The following SAMSN1 variants were observed in gnomAD, a reference collection of about 807,000 sequenced individuals.
The protein encoded by SAMSN1 is SAM domain-containing protein SAMSN-1.
SAMSN1 carries 31 observed loss-of-function variants against 42.0 expected under a neutral mutation model. That is an observed-to-expected ratio of 0.74 (90% confidence interval 0.55 to 1.00). SAMSN1 has a LOEUF of 1.00. SAMSN1 is among the 50% of genes least tolerant of loss of function. SAMSN1 has a pLI of 0.00. For synonymous variants in SAMSN1, 178 were observed against 151.9 expected (o/e 1.17, Z -1.26); for missense variants, 464 against 439.4 (o/e 1.06, Z -0.50).
intron 1 of SAMSN1, among the ~76,000 whole-genome samples, chr21:14,537,033 C>T (rs1055523758): frequency 1.3e-5 from 2 of 152,196 alleles, no homozygotes; most frequent in Non-Finnish European, 2.9e-5. Context: ...ATTTGAAACA[C>T]AAAAGCCAAA....
At chr21:14,583,858 G>C (rs1273718571), upstream of SAMSN1, 2 of 629,018 alleles carry the variant, frequency 3.2e-6, no homozygotes, top group Admixed American at 5.6e-5. Flanking sequence ...TCATAAATGT[G>C]GAAAAATTAA....
chr21:14,549,411 A>G (rs760788095), upstream of SAMSN1, among the ~76,000 whole-genome samples: 55 of 152,156 alleles, frequency 3.6e-4, no homozygotes, highest in Admixed American at 9.2e-4. Flanking sequence ...AATCTTTTAG[A>G]ATGAAAGTAG....
intron 6 of SAMSN1, among the ~76,000 whole-genome samples, chr21:14,599,306 G>A (rs1982364205): frequency 6.6e-6 from 1 of 152,114 alleles, no homozygotes. Flanking sequence ...AATAATGAGT[G>A]ACTCTCATGA....
intron 7 of SAMSN1, chr21:14,593,779 T>A (rs1255351613): frequency 3.1e-6 from 1 of 323,428 alleles, no homozygotes; most frequent in East Asian, 4.8e-5. Context: ...TTAGGGAAAA[T>A]TTTTTATATA....
At chr21:14,560,088 G>A (rs1980897985) in intron 2 of SAMSN1, among the ~76,000 whole-genome samples, 2 of 152,156 alleles carry the variant, frequency 1.3e-5, no homozygotes, top group Admixed American at 1.3e-4. Context: ...AGAATCCAAT[G>A]TAACATGTTC....
intron 7 of SAMSN1, among the ~76,000 whole-genome samples, chr21:14,490,340 C>T (rs747894163): frequency 1.3e-5 from 2 of 152,164 alleles, no homozygotes; most frequent in Non-Finnish European, 1.5e-5. Flanking sequence ...CATCAATCAT[C>T]CTCCTGTTTT....
chr21:14,598,968 T>C (rs1441006272), intron 6 of SAMSN1, among the ~76,000 whole-genome samples: 1 of 152,190 alleles, frequency 6.6e-6, no homozygotes, highest in Non-Finnish European at 1.5e-5. Context: ...ATCATCTTCA[T>C]AATAGGGAAC....
intron 5 of SAMSN1, 98 bp downstream of exon 5, chr21:14,510,212 C>G: frequency 8.8e-7 from 1 of 1,141,382 alleles, no homozygotes; most frequent in Non-Finnish European, 1.3e-6. Context: ...GGGAAGAACA[C>G]ACTCACACTG....
chr21:14,570,173 T>C (rs1981254737), intron 2 of SAMSN1, among the ~76,000 whole-genome samples: 1 of 152,140 alleles, frequency 6.6e-6, no homozygotes, highest in Admixed American at 6.5e-5. Flanking sequence ...CGCAAATCCA[T>C]TAAATCTCTC....
intron 1 of SAMSN1, among the ~76,000 whole-genome samples, chr21:14,650,207 C>T (rs1320519313): frequency 6.6e-6 from 1 of 152,118 alleles, no homozygotes; most frequent in Non-Finnish European, 1.5e-5. Flanking sequence ...TAGATATTTA[C>T]AGAACATTTC....
At chr21:14,654,116 T>A (rs1983877663) in intron 1 of SAMSN1, among the ~76,000 whole-genome samples, 1 of 152,012 alleles carries the variant, frequency 6.6e-6, no homozygotes, top group South Asian at 2.1e-4. Flanking sequence ...TTGACTTTTT[T>A]AAAAAGATAT....
intron 3 of SAMSN1, 81 bp from the exon 4 acceptor site, chr21:14,512,654 AC>A: frequency 7.8e-7 from 1 of 1,273,978 alleles, no homozygotes; most frequent in Non-Finnish European, 1.1e-6. Flanking sequence ...TTTAATAGAC[AC>A]ATATTTTAGC....
At chr21:14,648,235 G>A (rs1983758542) in intron 1 of SAMSN1, among the ~76,000 whole-genome samples, 1 of 152,110 alleles carries the variant, frequency 6.6e-6, no homozygotes, top group Admixed American at 6.6e-5. Context: ...GCTGAAACTG[G>A]ATCCCTTCCT....
chr21:14,488,710 C>A (rs189499070), intron 7 of SAMSN1, among the ~76,000 whole-genome samples: 1 of 152,250 alleles, frequency 6.6e-6, no homozygotes, highest in East Asian at 1.9e-4. Context: ...AACCTTTCAT[C>A]TGCAATTTTT....
chr21:14,630,872 A>G (rs895831970), intron 2 of SAMSN1, among the ~76,000 whole-genome samples: 5 of 152,356 alleles, frequency 3.3e-5, no homozygotes, highest in African/African-American at 1.2e-4. Context: ...TGATGATAAT[A>G]TAAGACAGAA....
intron 2 of SAMSN1, among the ~76,000 whole-genome samples, chr21:14,560,883 G>T (rs1369354753): frequency 6.6e-6 from 1 of 152,190 alleles, no homozygotes; most frequent in Non-Finnish European, 1.5e-5. Context: ...TACAAACTGG[G>T]TGGCTTATAG....
chr21:14,513,343 A>T (rs980922005), intron 3 of SAMSN1, among the ~76,000 whole-genome samples: 1 of 152,194 alleles, frequency 6.6e-6, no homozygotes, highest in East Asian at 1.9e-4. Flanking sequence ...ACTCAGTTTG[A>T]TTCTCCACTT....
chr21:14,570,113 C>A (rs561461961), intron 2 of SAMSN1, among the ~76,000 whole-genome samples: 1 of 151,958 alleles, frequency 6.6e-6, no homozygotes, highest in Admixed American at 6.6e-5. Flanking sequence ...GTGCCCTTTG[C>A]GGGTGACTGC....
chr21:14,653,901 G>A (rs948630431), intron 1 of SAMSN1, among the ~76,000 whole-genome samples: 1 of 151,536 alleles, frequency 6.6e-6, no homozygotes, highest in African/African-American at 2.4e-5. Context: ...ATAAATTCAA[G>A]GCATGCTTTG....
Sources: gnomAD v4.1 joint callset for allele counts (sites outside exome capture counted in the v4.1 genomes callset) on GRCh38, gnomAD v4.1.1 for gene constraint, MANE v1.5 for transcripts, NCBI Gene and HGNC (gene_info 2026-07-23, HGNC 2026-07-21) for gene names.